MYBL1: variants seen among roughly 807,000 people sequenced by gnomAD.
MYBL1 encodes MYB proto-oncogene like 1, also known as myb-related protein A.
A neutral mutation model predicts 96.3 loss-of-function variants in MYBL1; 17 were observed. That is an observed-to-expected ratio of 0.18 (90% CI 0.12 to 0.26). The LOEUF (loss-of-function observed/expected upper bound fraction) is 0.26, where lower values mean the gene tolerates loss of function less well. MYBL1 is among the 10% of genes least tolerant of loss of function. MYBL1 has a pLI of 1.00. For missense variants in MYBL1, 701 were observed against 882.9 expected, an observed-to-expected ratio of 0.79 and a Z score of 2.61; for synonymous variants, 282 against 292.7, an observed-to-expected ratio of 0.96 and a Z score of 0.37.
chr8:66,606,232 GATA>G (rs1810306698), intron 1 of MYBL1, among the ~76,000 whole-genome samples: 1 of 152,280 alleles, frequency 6.6e-6, no homozygotes, highest in East Asian at 1.9e-4. Context: ...TTTGTAAAAT[GATA>G]ATAATACCAC....
intron 1 of MYBL1, among the ~76,000 whole-genome samples, chr8:66,604,082 A>C (rs1239757830): frequency 6.6e-6 from 1 of 152,206 alleles, no homozygotes; most frequent in Non-Finnish European, 1.5e-5. Flanking sequence ...GTACTACCAC[A>C]CGAACACACA....
At position 66,602,431 on chromosome 8, in the gene MYBL1, C is replaced by A; in HGVS notation, c.113G>T (p.Trp38Leu). 6.3e-7 allele frequency: 1 copy of A among 1,590,264 alleles called. No homozygotes were observed. Among genetic ancestry groups the A allele is most frequent in the Admixed American group, 1.8e-5 (1 of 56,696 alleles). ...TCAGATAATTACCTCGTCCCTTGTC[C>A]ATTTTACTCTGTTCCAGAGTTTCTT... ...GLKKLWNRVK[W>L]TRDEDDKLKK... The change falls in exon 2 of 16, where the codon TGG (tryptophan) becomes TTG (leucine). Residue 38 changes from tryptophan (W) to leucine (L), a missense_variant. Coordinates refer to ENST00000522677, the MANE Select transcript of MYBL1 (RefSeq NM_001080416.4).
chr8:66,597,258 A>G, intron 5 of MYBL1, 72 bp downstream of exon 5: 1 of 1,092,182 alleles, frequency 9.2e-7, no homozygotes, highest in African/African-American at 1.6e-5. Context: ...GGGACTTGCA[A>G]ATGTATTTAA....
At chr8:66,588,489 A>T (rs1563540633) in intron 8 of MYBL1, among the ~76,000 whole-genome samples, 1 of 152,000 alleles carries the variant, frequency 6.6e-6, no homozygotes, top group Non-Finnish European at 1.5e-5. Context: ...CATGTTGCCC[A>T]GGCTGGTCTC....
At chr8:66,607,955 A>G (rs1563555208) in intron 1 of MYBL1, among the ~76,000 whole-genome samples, 2 of 152,120 alleles carry the variant, frequency 1.3e-5, no homozygotes, top group African/African-American at 2.4e-5. Context: ...TATATTTGAG[A>G]CTGCTTTAAA....
In MYBL1 at chr8:66,563,237, C is replaced by T. The variant is rs983752105; in HGVS notation, c.*1460G>A. 2.6e-5 allele frequency: 4 copies of T among 152,350 alleles called. No individual in the cohort carries two copies. The highest frequency in any genetic ancestry group is 6.6e-5 in the Admixed American group (1 of 15,226). The allele number at this position is 152,350 out of a possible 1,614,324, so 9.4% of individuals were successfully genotyped here. A position where few individuals can be genotyped will look rare whatever the true frequency, so the allele number is the denominator to read the frequency against. On this transcript the variant is annotated 3_prime_UTR_variant, in exon 16 of 16. Transcript: ENST00000522677. ...CTTTCCTTCTCTCGTAGCAGCAAGC[C>T]GATTCTGCTATTTTCTATAGCAGCA... is the stretch of plus-strand genomic sequence containing the variant.
At chr8:66,604,527 AT>A (rs1810233648) in intron 1 of MYBL1, among the ~76,000 whole-genome samples, 1 of 151,884 alleles carries the variant, frequency 6.6e-6, no homozygotes, top group Non-Finnish European at 1.5e-5. Flanking sequence ...AAAAAAAAAG[AT>A]GGTGTCCTAC....
chr8:66,592,445 G>C lies in MYBL1; in HGVS notation c.862C>G (p.Pro288Ala). 6.3e-7 allele frequency: 1 copy of C among 1,575,508 alleles called. No individual in the cohort carries two copies. The highest frequency in any genetic ancestry group is 8.6e-7 in the Non-Finnish European group (1 of 1,159,956). The change falls in exon 8 of 16, where the codon CCA (proline) becomes GCA (alanine). Residue 288 changes from proline to alanine, a missense_variant. Around this residue, in one of 5 missense-constraint regions of MYBL1, gnomAD observed 396 missense variants for 407.4 expected, o/e 0.97. Coordinates refer to ENST00000522677, the MANE Select transcript of MYBL1 (RefSeq NM_001080416.4). ...AENEVRRKRI[P>A]SQPGSFSSWS... ...ATAACAAGCTTATTTCTTACTGATG[G>C]AATTCGCTTTCTTCTAACTTCATTC...
intron 1 of MYBL1, among the ~76,000 whole-genome samples, chr8:66,609,240 A>G (rs904445475): frequency 2.6e-5 from 4 of 152,230 alleles, no homozygotes; most frequent in East Asian, 3.9e-4. Context: ...TCAATTTTAG[A>G]GGATAACAAT....
In MYBL1 at chr8:66,567,526, AGTGT is replaced by A. The variant is rs111352513; in HGVS notation, c.1729-538_1729-535del. On this transcript the variant is annotated intron_variant, in intron 12 of 15. Transcript: ENST00000522677. ...AGTATCCAAGAAGACAGAGAGAGTG[AGTGT>A]GTGTGTGTGTGTGTGTGTGTGTAGT... Among the ~76,000 whole-genome samples the A allele has an allele frequency of 8.8e-4, 129 of 146,884 alleles. 1 individual carries two copies. Among genetic ancestry groups the A allele is most frequent in the African/African-American group, 1.6e-3 (64 of 40,520 alleles).
At chr8:66,595,871 T>C (rs1036577220) in intron 5 of MYBL1, 114 bp from the exon 6 acceptor site, 9 of 608,896 alleles carry the variant, frequency 1.5e-5, no homozygotes, top group Non-Finnish European at 2.3e-5. Flanking sequence ...AATTAGATAC[T>C]TTTTTCTTAA....
rs917277028 is a variant in MYBL1, at chr8:66,580,262, C to T, written c.972G>A (p.Met324Ile). ...GAGCAGACACAGGCTGATTTTCATC[C>T]ATACTGTAAAACTCACTAGTGTGCT... is the stretch of plus-strand genomic sequence containing the variant. ...LDEHTSEFYS[M>I]DENQPVSAQQ... The change falls in exon 9 of 16, where the codon ATG becomes ATA. Residue 324 changes from methionine to isoleucine, a missense_variant. By Grantham distance (10) the Met-to-Ile change is conservative. Around this residue, in one of 5 missense-constraint regions of MYBL1, gnomAD observed 396 missense variants for 407.4 expected, o/e 0.97. Transcript: ENST00000522677. 2.5e-6 allele frequency: 4 copies of T among 1,613,784 alleles called. No homozygotes were observed. The East Asian group carries it at 8.9e-5, about 36-fold the overall frequency.
At chr8:66,593,617 G>C (rs1439180176) in intron 6 of MYBL1, among the ~76,000 whole-genome samples, 1 of 152,108 alleles carries the variant, frequency 6.6e-6, no homozygotes, top group Non-Finnish European at 1.5e-5. Context: ...GTTTTTCAAT[G>C]TTCATATCTC....
intron 8 of MYBL1, among the ~76,000 whole-genome samples, chr8:66,590,601 CAAAA>C (rs983941485): frequency 1.5e-5 from 1 of 65,258 alleles, no homozygotes. Context: ...CTTAGCTAAT[CAAAA>C]AAAAAAAAAA....
Position 66,612,777 on chromosome 8 carries a change from G to C in MYBL1, c.20+42C>G, listed in dbSNP as rs141009728. The C allele has an allele frequency of 5.9e-3, 7,989 of 1,348,034 alleles. 43 individuals are homozygous for C. The highest frequency in any genetic ancestry group is 6.2e-3 in the Non-Finnish European group (6,462 of 1,041,212). The allele number at this position is 1,348,034 out of a possible 1,614,324, so 83.5% of individuals were successfully genotyped here. Reference sequence around the variant, plus strand: ...CGGGATAGGAAAGAGAATCTGAGCCGAGACGGCGCCGACAGGCCTGGGCGA... The same window carrying C: ...CGGGATAGGAAAGAGAATCTGAGCCCAGACGGCGCCGACAGGCCTGGGCGA... On this transcript the variant is annotated intron_variant, in intron 1 of 15. Transcript: ENST00000522677.
At chr8:66,568,361 C>G (rs1386058191) in intron 12 of MYBL1, among the ~76,000 whole-genome samples, 2 of 152,098 alleles carry the variant, frequency 1.3e-5, no homozygotes, top group Non-Finnish European at 2.9e-5. Context: ...TCACTGCAAC[C>G]TCCACAACCC....
rs747345803 is a variant in MYBL1, at chr8:66,592,572, C to T, written c.763-28G>A. On this transcript the variant is annotated intron_variant, in intron 7 of 15. Coordinates refer to ENST00000522677, the MANE Select transcript of MYBL1 (RefSeq NM_001080416.4). ...AAAATAAGTTAAATAAAAGAGAAAA[C>T]AGGATGCTTATATAATTGCTTTATT... The T allele has an allele frequency of 3.0e-6, 4 of 1,317,508 alleles. No individual in the cohort carries two copies. In the South Asian group the frequency reaches 5.1e-5, roughly 17 times the overall value. 81.6% of individuals were successfully genotyped at this position (1,317,508 alleles called of 1,614,324 possible). A position where few individuals can be genotyped will look rare whatever the true frequency, so the allele number is the denominator to read the frequency against.
chr8:66,589,202 A>G (rs996099343), intron 8 of MYBL1, among the ~76,000 whole-genome samples: 6 of 152,080 alleles, frequency 3.9e-5, no homozygotes, highest in Admixed American at 1.3e-4. Context: ...TCATTCCTTT[A>G]GTTATATTTT....
At chr8:66,607,135 A>C (rs75495850) in intron 1 of MYBL1, among the ~76,000 whole-genome samples, 117,866 of 145,350 alleles carry the variant, frequency 0.81, 47,614 homozygotes, top group East Asian at 0.98. Context: ...ACAACAAAAA[A>C]AAAAAAAAAA....
Sources: allele counts gnomAD v4.1 joint callset (sites outside exome capture counted in the v4.1 genomes callset), GRCh38; gene constraint gnomAD v4.1.1; regional missense constraint gnomAD v4.1.1; transcripts MANE v1.5; gene names NCBI Gene and HGNC (gene_info 2026-07-23, HGNC 2026-07-21).